The following SNX29 variants were observed in gnomAD, a reference collection of about 807,000 sequenced individuals.
SNX29 encodes the protein sorting nexin 29.
In SNX29, 78 loss-of-function variants were observed where a neutral mutation model predicts 102.1. That is an observed-to-expected ratio of 0.76 (90% CI 0.64 to 0.92). The LOEUF (loss-of-function observed/expected upper bound fraction) is 0.92. Among genes scored for constraint, SNX29 ranks in the 40% least tolerant of loss-of-function variants. The pLI is 0.00. For missense variants in SNX29, 1,280 were observed against 1,061.7 expected, an observed-to-expected ratio of 1.21 and a Z score of -2.86; for synonymous variants, 580 against 414.5, an observed-to-expected ratio of 1.40 and a Z score of -4.85.
chr16:12,176,999 G>T (rs1318009503), intron 13 of SNX29, among the ~76,000 whole-genome samples: 1 of 152,116 alleles, frequency 6.6e-6, no homozygotes, highest in East Asian at 1.9e-4. Flanking sequence ...CCAGGCTGGA[G>T]TGTAGTGGCT....
chr16:12,061,106 C>T (rs1256278989), intron 8 of SNX29, among the ~76,000 whole-genome samples: 3 of 152,208 alleles, frequency 2.0e-5, no homozygotes, highest in African/African-American at 4.8e-5. Context: ...CTTCCTCCAG[C>T]TCCCCTCCTC....
rs139855101 is a variant in SNX29 at position 12,468,024 on chromosome 16, C to T, written c.2038-9695C>T. ...ACCGGGCCCTGGTCACCTCCAGTAT[C>T]GTCTTGGATCCCTCGTCCTCCCTGC... On this transcript the variant is annotated intron_variant, in intron 18 of 20. Coordinates refer to ENST00000566228, the MANE Select transcript of SNX29 (RefSeq NM_032167.5). Among the ~76,000 whole-genome samples the T allele has an allele frequency of 5.4e-4, 82 of 152,212 alleles. 1 individual carries two copies. The highest frequency in any genetic ancestry group is 1.9e-3 in the African/African-American group (77 of 41,544).
chr16:12,301,467 C>A (rs1306205041), intron 15 of SNX29, among the ~76,000 whole-genome samples: 1 of 152,236 alleles, frequency 6.6e-6, no homozygotes. Context: ...GGCTTCGTGT[C>A]CTCCCAGTCT....
Position 12,052,016 on chromosome 16 carries a change from C to T in SNX29, c.918C>T (p.Ala306=). ...GCTCCTCTGTCAATATCATGTCCGCCTTTGAAAGCCCCTTCGGGCCTAACT... is the reference window on the plus strand; with the variant it reads ...GCTCCTCTGTCAATATCATGTCCGCTTTTGAAAGCCCCTTCGGGCCTAACT... ...SDRSSVNIMS[A]FESPFGPNSN... The change falls in exon 8 of 21, where the codon GCC becomes GCT. Residue 306 remains alanine (A), a synonymous_variant. Transcript: ENST00000566228. 2 of 1,613,960 alleles carry T rather than the reference C, an allele frequency of 1.2e-6. No individual in the cohort carries two copies.
intron 15 of SNX29, among the ~76,000 whole-genome samples, chr16:12,324,019 C>T (rs990493350): frequency 2.0e-5 from 3 of 151,424 alleles, no homozygotes; most frequent in African/African-American, 7.4e-5. Context: ...ATGACGTACT[C>T]CCTCAATTTA....
chr16:12,497,761 T>C (rs966285240), intron 19 of SNX29, among the ~76,000 whole-genome samples: 1 of 152,220 alleles, frequency 6.6e-6, no homozygotes, highest in Non-Finnish European at 1.5e-5. Context: ...AAGGCTTCCA[T>C]TGTATCCACT....
chr16:12,008,451 TAG>T (rs972776516), intron 3 of SNX29, among the ~76,000 whole-genome samples: 1 of 150,840 alleles, frequency 6.6e-6, no homozygotes. Context: ...GTATTTTTAG[TAG>T]AGACAGTATT....
At chr16:12,272,149 A>G (rs2079108650) in intron 14 of SNX29, among the ~76,000 whole-genome samples, 1 of 152,200 alleles carries the variant, frequency 6.6e-6, no homozygotes, top group African/African-American at 2.4e-5. Context: ...CTTTAAGGTC[A>G]AAAAGCTTAT....
intron 16 of SNX29, among the ~76,000 whole-genome samples, chr16:12,373,392 A>T (rs763775904): frequency 6.6e-6 from 1 of 152,142 alleles, no homozygotes; most frequent in Non-Finnish European, 1.5e-5. Context: ...GGCCTCCCAT[A>T]GTGCTGGGAT....
chr16:12,244,433 A>G (rs993082888), intron 14 of SNX29, among the ~76,000 whole-genome samples: 2 of 152,136 alleles, frequency 1.3e-5, no homozygotes, highest in African/African-American at 4.8e-5. Context: ...ACATGGAGAA[A>G]CACTGTCTCT....
chr16:12,283,776 C>T (rs949458839), intron 15 of SNX29, among the ~76,000 whole-genome samples: 2 of 152,190 alleles, frequency 1.3e-5, no homozygotes, highest in African/African-American at 4.8e-5. Context: ...TTCTAATTGT[C>T]AGGACAGATA....
intron 20 of SNX29, among the ~76,000 whole-genome samples, chr16:12,551,992 C>G (rs899737221): frequency 1.3e-5 from 2 of 152,220 alleles, no homozygotes; most frequent in Admixed American, 6.5e-5. Context: ...GTCAAAGTAG[C>G]TCCTGCTGGT....
intron 8 of SNX29, among the ~76,000 whole-genome samples, chr16:12,058,808 T>G (rs7188352): frequency 0.28 from 13,580 of 48,650 alleles, 1,210 homozygotes; most frequent in Non-Finnish European, 0.35. Flanking sequence ...TTTTTTTTTT[T>G]TTTTTTTTTT....
At position 12,570,093 on chromosome 16, in the gene SNX29, C is replaced by T. The variant is rs1432099904; in HGVS notation, c.*1464C>T. 1 of 908,370 alleles carries T rather than the reference C, an allele frequency of 1.1e-6. No homozygotes were observed. Among genetic ancestry groups the T allele is most frequent in the South Asian group, 5.3e-5 (1 of 19,004 alleles). 56.3% of individuals were successfully genotyped at this position (908,370 alleles called of 1,614,324 possible). On this transcript the variant is annotated 3_prime_UTR_variant, in exon 21 of 21. Coordinates refer to ENST00000566228, the MANE Select transcript of SNX29 (RefSeq NM_032167.5). ...TCTGGAAGGTTTATACTGTGCCTTCCCCTCGTAGCAAAAAGGAAGATTGTT... is the reference window on the plus strand; with the variant it reads ...TCTGGAAGGTTTATACTGTGCCTTCTCCTCGTAGCAAAAAGGAAGATTGTT...
chr16:12,152,011 G>C (rs900587977), intron 13 of SNX29, among the ~76,000 whole-genome samples: 9 of 146,952 alleles, frequency 6.1e-5, no homozygotes, highest in South Asian at 2.2e-4. Flanking sequence ...TTGAGCTCAG[G>C]AGTTTGAGAC....
intron 15 of SNX29, among the ~76,000 whole-genome samples, chr16:12,278,484 A>T (rs1410768680): frequency 6.6e-6 from 1 of 152,216 alleles, no homozygotes; most frequent in East Asian, 1.9e-4. Flanking sequence ...GAAAAAAAAA[A>T]CCAAAACATT....
intron 3 of SNX29, among the ~76,000 whole-genome samples, chr16:12,019,278 G>A (rs2056944343): frequency 6.6e-6 from 1 of 152,082 alleles, no homozygotes; most frequent in African/African-American, 2.4e-5. Context: ...CACTATCTCG[G>A]CTCACGGCAA....
chr16:12,343,249 C>T (rs1204654217), intron 15 of SNX29, among the ~76,000 whole-genome samples: 2 of 152,326 alleles, frequency 1.3e-5, no homozygotes, highest in Non-Finnish European at 2.9e-5. Flanking sequence ...CTTTCCAGCA[C>T]CTTGCAGAAT....
chr16:12,539,035 G>A (rs943110362), intron 20 of SNX29, among the ~76,000 whole-genome samples: 1 of 152,122 alleles, frequency 6.6e-6, no homozygotes, highest in Non-Finnish European at 1.5e-5. Flanking sequence ...TCCAGAATGG[G>A]GCCCAGAAAG....
Sources: gnomAD v4.1 joint callset for allele counts (sites outside exome capture counted in the v4.1 genomes callset) on GRCh38, gnomAD v4.1.1 for gene constraint, MANE v1.5 for transcripts, NCBI Gene and HGNC (gene_info 2026-07-23, HGNC 2026-07-21) for gene names.